Variants in FTO observed in about 807,000 individuals in gnomAD.
The protein encoded by FTO is alpha-ketoglutarate-dependent dioxygenase FTO.
Under a neutral mutation model 63.9 loss-of-function variants are expected in FTO, and 47 were observed. That is an observed-to-expected ratio of 0.74 (90% CI 0.58 to 0.94). The LOEUF (loss-of-function observed/expected upper bound fraction) is 0.94, where lower values mean the gene tolerates loss of function less well. Among genes scored for constraint, FTO ranks in the 40% least tolerant of loss-of-function variants. FTO has a pLI of 0.00. For synonymous variants in FTO, 207 were observed against 224.4 expected, an observed-to-expected ratio of 0.92 and a Z score of 0.69; for missense variants, 562 against 618.1, an observed-to-expected ratio of 0.91 and a Z score of 0.96.
chr16:53,773,883 T>G (rs914073629), intron 1 of FTO, among the ~76,000 whole-genome samples: 1 of 152,180 alleles, frequency 6.6e-6, no homozygotes, highest in South Asian at 2.1e-4. Context: ...CGACACTTGT[T>G]ACTCAGAACT....
At chr16:53,834,282 C>T (rs2079228489) in intron 3 of FTO, among the ~76,000 whole-genome samples, 1 of 152,124 alleles carries the variant, frequency 6.6e-6, no homozygotes, top group South Asian at 2.1e-4. Flanking sequence ...TCTCGGCCTC[C>T]CAAAGTGCTG....
intron 1 of FTO, among the ~76,000 whole-genome samples, chr16:53,775,067 A>C (rs1261550354): frequency 6.6e-6 from 1 of 152,044 alleles, no homozygotes; most frequent in Admixed American, 6.6e-5. Context: ...TAGCTGCAAA[A>C]GGGTCTGAGA....
intron 8 of FTO, among the ~76,000 whole-genome samples, chr16:53,950,480 T>C (rs1469206806): frequency 6.6e-6 from 1 of 152,184 alleles, no homozygotes; most frequent in African/African-American, 2.4e-5. Flanking sequence ...TTAGTGATAT[T>C]TTTTCCAGTG....
At chr16:53,888,433 T>TTTTAAAAATAAAAATAAATTAGAC (rs1283533485) in intron 6 of FTO, among the ~76,000 whole-genome samples, 2 of 151,288 alleles carry the variant, frequency 1.3e-5, no homozygotes, top group East Asian at 3.9e-4. Flanking sequence ...GCCAATTTAT[T>TTTTAAAAATAAAAATAAATTAGAC]AGTAGCTTGG....
chr16:54,107,149 AT>A (rs1297495885), intron 8 of FTO, among the ~76,000 whole-genome samples: 7 of 151,126 alleles, frequency 4.6e-5, no homozygotes, highest in African/African-American at 1.7e-4. Flanking sequence ...TTATGTGTAT[AT>A]ACATATTATT....
chr16:53,807,853 A>G (rs963347964), intron 1 of FTO, among the ~76,000 whole-genome samples: 19 of 152,242 alleles, frequency 1.2e-4, no homozygotes, highest in South Asian at 4.1e-4. Context: ...GGAGAAATGT[A>G]CAAGTATGGC....
chr16:53,905,939 T>C (rs1193251855), intron 7 of FTO, among the ~76,000 whole-genome samples: 1 of 152,220 alleles, frequency 6.6e-6, no homozygotes, highest in East Asian at 1.9e-4. Flanking sequence ...GCGTAATCCA[T>C]TTGAAAAACT....
chr16:54,055,299 A>C (rs2085406260), intron 8 of FTO, among the ~76,000 whole-genome samples: 1 of 152,194 alleles, frequency 6.6e-6, no homozygotes, highest in Admixed American at 6.5e-5. Flanking sequence ...TGAGCAGACT[A>C]AGATATCACC....
intron 1 of FTO, among the ~76,000 whole-genome samples, chr16:53,725,592 T>C (rs973354859): frequency 6.6e-6 from 1 of 152,240 alleles, no homozygotes; most frequent in Non-Finnish European, 1.5e-5. Flanking sequence ...TCTGCAGATA[T>C]ATATTAGAAA....
intron 8 of FTO, chr16:53,994,074 T>C (rs1449261070): frequency 6.6e-6 from 1 of 152,228 alleles, no homozygotes; most frequent in African/African-American, 2.4e-5. Context: ...TTGGCCTCTC[T>C]AACCTCTAAA....
At chr16:53,798,962 A>G (rs1342637269) in intron 1 of FTO, among the ~76,000 whole-genome samples, 1 of 152,178 alleles carries the variant, frequency 6.6e-6, no homozygotes, top group African/African-American at 2.4e-5. Flanking sequence ...GGTATTGTCT[A>G]ATGCTCTTAC....
chr16:54,083,833 C>A (rs1413212211), intron 8 of FTO, among the ~76,000 whole-genome samples: 1 of 152,058 alleles, frequency 6.6e-6, no homozygotes, highest in Non-Finnish European at 1.5e-5. Context: ...ATCTTTTGTT[C>A]CTCTGGTGGA....
Position 53,825,970 on chromosome 16 carries a change from G to T in FTO, c.230G>T (p.Cys77Phe). ...EAFLTLHKHG[C>F]LFRDLVRIQG... ...TTTCTCACACTGCACAAGCATGGCT[G>T]CTTATTTCGGGACCTGGTTAGGATC... is the stretch of plus-strand genomic sequence containing the variant. The change falls in exon 3 of 9, where the codon TGC (cysteine) becomes TTC (phenylalanine). Residue 77 changes from cysteine to phenylalanine, a missense_variant. Physicochemically the swap from Cys to Phe is radical, Grantham distance 205. Coordinates refer to ENST00000471389, the MANE Select transcript of FTO (RefSeq NM_001080432.3). 6.2e-7 allele frequency: 1 copy of T among 1,614,152 alleles called. No individual in the cohort carries two copies.
intron 8 of FTO, among the ~76,000 whole-genome samples, chr16:54,048,326 A>G (rs1490479285): frequency 2.0e-5 from 3 of 151,026 alleles, no homozygotes; most frequent in Non-Finnish European, 4.4e-5. Flanking sequence ...GGTGATTACC[A>G]TTCAGGTTGG....
chr16:53,811,532 T>C (rs993986025), intron 2 of FTO, among the ~76,000 whole-genome samples: 1 of 152,182 alleles, frequency 6.6e-6, no homozygotes, highest in African/African-American at 2.4e-5. Context: ...TCCTCTTCAC[T>C]GTCAGTCCTC....
At chr16:53,836,826 C>G (rs531175196) in intron 3 of FTO, among the ~76,000 whole-genome samples, 13 of 152,126 alleles carry the variant, frequency 8.5e-5, no homozygotes, top group Admixed American at 1.3e-4. Context: ...GCTTTTGTGG[C>G]CACTCTCTCT....
At chr16:54,038,271 C>G (rs796486351) in intron 8 of FTO, among the ~76,000 whole-genome samples, 2 of 152,188 alleles carry the variant, frequency 1.3e-5, no homozygotes, top group South Asian at 4.1e-4. Context: ...CTCCTGTAAC[C>G]TGACCCTTGT....
chr16:53,896,040 G>A (rs1205447170), intron 7 of FTO, among the ~76,000 whole-genome samples: 1 of 151,918 alleles, frequency 6.6e-6, no homozygotes, highest in African/African-American at 2.4e-5. Flanking sequence ...CATTCTATAT[G>A]TAAAGAAAAA....
At chr16:53,967,733 C>G (rs2083227011) in intron 8 of FTO, among the ~76,000 whole-genome samples, 1 of 152,170 alleles carries the variant, frequency 6.6e-6, no homozygotes, top group Admixed American at 6.5e-5. Context: ...GGCAGAAAGA[C>G]TAAACGAAGT....
Sources: gnomAD v4.1 joint callset for allele counts (sites outside exome capture counted in the v4.1 genomes callset) on GRCh38, gnomAD v4.1.1 for gene constraint, MANE v1.5 for transcripts, NCBI Gene and HGNC (gene_info 2026-07-23, HGNC 2026-07-21) for gene names.